SORCS1: variants seen among roughly 807,000 people sequenced by gnomAD.
SORCS1 encodes VPS10 domain-containing receptor SorCS1.
In SORCS1, 60 loss-of-function variants were observed where a neutral mutation model predicts 146.1. The observed-to-expected ratio is 0.41, with a 90% CI of 0.33 to 0.51. The LOEUF (loss-of-function observed/expected upper bound fraction) is 0.51. SORCS1 is among the 20% of genes least tolerant of loss of function. The pLI is 0.21. For missense variants in SORCS1, 1,352 were observed against 1,487.6 expected, an observed-to-expected ratio of 0.91 and a Z score of 1.50; for synonymous variants, 637 against 584.0, an observed-to-expected ratio of 1.09 and a Z score of -1.31.
intron 2 of SORCS1, among the ~76,000 whole-genome samples, chr10:106,949,593 C>T (rs1039347536): frequency 6.6e-6 from 1 of 152,216 alleles, no homozygotes; most frequent in Non-Finnish European, 1.5e-5. Context: ...GAAATTGTGT[C>T]TCCTGAGAAA....
chr10:107,115,419 G>A (rs886602819), intron 1 of SORCS1, among the ~76,000 whole-genome samples: 6 of 151,914 alleles, frequency 3.9e-5, no homozygotes, highest in Non-Finnish European at 7.4e-5. Flanking sequence ...ACTAACCAAT[G>A]GAACAAAATA....
rs1955315304 is a variant in SORCS1, at chr10:106,963,020, GAAT to G, written c.559-6443_559-6441del. Among the ~76,000 whole-genome samples, 3 of 149,970 alleles carry G rather than the reference GAAT, an allele frequency of 2.0e-5. No homozygotes were observed. In the South Asian group the frequency reaches 6.4e-4, roughly 32 times the overall value. On this transcript the variant is annotated intron_variant, in intron 1 of 25. Coordinates refer to ENST00000263054, the MANE Select transcript of SORCS1 (RefSeq NM_052918.5). ...TGAGGAAAGCAAATATGGGGGAAGA[GAAT>G]AATAAGGAGCCTGAAGAGATTTGGA...
intron 4 of SORCS1, among the ~76,000 whole-genome samples, chr10:106,773,498 G>T (rs1006124317): frequency 6.6e-6 from 1 of 152,184 alleles, no homozygotes; most frequent in Non-Finnish European, 1.5e-5. Context: ...CAAGCCTTGA[G>T]ATACGGAGGT....
chr10:107,077,369 C>T (rs1448410834), intron 1 of SORCS1, among the ~76,000 whole-genome samples: 1 of 151,928 alleles, frequency 6.6e-6, no homozygotes, highest in African/African-American at 2.4e-5. Context: ...GAAATACATA[C>T]TATAAACTCT....
chr10:106,743,720 C>T (rs530504312), intron 5 of SORCS1, among the ~76,000 whole-genome samples: 9 of 151,968 alleles, frequency 5.9e-5, no homozygotes, highest in East Asian at 3.9e-4. Context: ...CCACCGCACC[C>T]GGCCTGTATA....
chr10:106,956,707 C>T, intron 1 of SORCS1, 127 bp from the exon 2 acceptor site: 1 of 787,802 alleles, frequency 1.3e-6, no homozygotes, highest in Non-Finnish European at 2.1e-6. Context: ...ATTGTTACAG[C>T]ATTTGCCACA....
chr10:106,965,001 C>A (rs1475969538), intron 1 of SORCS1, among the ~76,000 whole-genome samples: 2 of 150,992 alleles, frequency 1.3e-5, no homozygotes, highest in African/African-American at 2.4e-5. Context: ...GTGACTCAAG[C>A]AATAAGTGGT....
chr10:107,092,110 T>G (rs1249830046), intron 1 of SORCS1, among the ~76,000 whole-genome samples: 2 of 152,152 alleles, frequency 1.3e-5, no homozygotes, highest in East Asian at 3.9e-4. Flanking sequence ...AAGCCAACTA[T>G]GAAAATGTGG....
At chr10:106,809,557 C>T (rs561436410) in intron 3 of SORCS1, among the ~76,000 whole-genome samples, 2 of 152,082 alleles carry the variant, frequency 1.3e-5, no homozygotes, top group African/African-American at 4.8e-5. Flanking sequence ...CAGCACTGGG[C>T]AGAGGAAGGC....
chr10:106,880,504 T>C (rs1427829779), intron 2 of SORCS1, among the ~76,000 whole-genome samples: 1 of 152,136 alleles, frequency 6.6e-6, no homozygotes, highest in Non-Finnish European at 1.5e-5. Flanking sequence ...ATACAGTCTG[T>C]TAAAGATTCA....
intron 1 of SORCS1, among the ~76,000 whole-genome samples, chr10:107,129,089 C>G (rs1001043980): frequency 2.0e-5 from 3 of 152,250 alleles, no homozygotes; most frequent in African/African-American, 7.2e-5. Flanking sequence ...AGATTCAAGA[C>G]ACCAAGTACA....
intron 2 of SORCS1, among the ~76,000 whole-genome samples, chr10:106,829,986 G>A (rs1282853834): frequency 6.6e-6 from 1 of 152,200 alleles, no homozygotes; most frequent in Non-Finnish European, 1.5e-5. Context: ...AAGAATTAAA[G>A]AGTTTTTAGT....
intron 23 of SORCS1, 42 bp from the exon 24 acceptor site, chr10:106,597,492 C>G: frequency 6.9e-7 from 1 of 1,440,550 alleles, no homozygotes; most frequent in East Asian, 2.3e-5. Flanking sequence ...AAGTGTCATA[C>G]TGATTATAAA....
intron 2 of SORCS1, among the ~76,000 whole-genome samples, chr10:106,896,428 C>CA (rs781084783): frequency 0.072 from 4,087 of 56,696 alleles, 245 homozygotes; most frequent in African/African-American, 0.2. Context: ...GACTTTGTCT[C>CA]AAAAAAAAAA....
intron 18 of SORCS1, among the ~76,000 whole-genome samples, chr10:106,650,409 C>A (rs935124689): frequency 6.6e-6 from 1 of 152,216 alleles, no homozygotes; most frequent in African/African-American, 2.4e-5. Context: ...GAATTCAAAT[C>A]TTTATCTCCC....
intron 1 of SORCS1, among the ~76,000 whole-genome samples, chr10:107,033,177 A>C (rs1212257759): frequency 6.6e-6 from 1 of 152,166 alleles, no homozygotes; most frequent in Non-Finnish European, 1.5e-5. Context: ...AGCAGGAAAG[A>C]GAATGTGCGC....
chr10:106,878,650 T>TATATATATATATATA lies in SORCS1; in HGVS notation c.627-48978_627-48977insTATATATATATATAT, dbSNP rs1344451408. Among the ~76,000 whole-genome samples, 63 of 66,774 alleles carry TATATATATATATATA rather than the reference T, an allele frequency of 9.4e-4. 1 individual carries two copies. Among genetic ancestry groups the TATATATATATATATA allele is most frequent in the East Asian group, 9.3e-3 (22 of 2,358 alleles). The allele number at this position is 66,774 out of a possible 152,430, so 43.8% of individuals were successfully genotyped here. A position where few individuals can be genotyped will look rare whatever the true frequency, so the allele number is the denominator to read the frequency against. ...TATATATATATATATATATATATAT[T>TATATATATATATATA]TTATAGCAGCCTGAATGGACTAAGA... On this transcript the variant is annotated intron_variant, in intron 2 of 25. Coordinates refer to ENST00000263054, the MANE Select transcript of SORCS1 (RefSeq NM_052918.5).
intron 1 of SORCS1, among the ~76,000 whole-genome samples, chr10:106,985,376 C>T (rs1016728271): frequency 6.6e-6 from 1 of 151,912 alleles, no homozygotes; most frequent in Admixed American, 6.6e-5. Flanking sequence ...AAAATATATC[C>T]TTATGTCTTA....
At chr10:107,016,760 A>G (rs1188270948) in intron 1 of SORCS1, among the ~76,000 whole-genome samples, 1 of 152,216 alleles carries the variant, frequency 6.6e-6, no homozygotes, top group Non-Finnish European at 1.5e-5. Flanking sequence ...GTAGGAGAAG[A>G]TATCTGCAAT....
Sources: allele counts gnomAD v4.1 joint callset (sites outside exome capture counted in the v4.1 genomes callset), GRCh38; gene constraint gnomAD v4.1.1; transcripts MANE v1.5; gene names NCBI Gene and HGNC (gene_info 2026-07-23, HGNC 2026-07-21).